MRRF: variants seen among roughly 807,000 people sequenced by gnomAD.
The protein encoded by MRRF is ribosome-recycling factor, mitochondrial.
In MRRF, 18 loss-of-function variants were observed where a neutral mutation model predicts 25.1. The observed-to-expected ratio is 0.72, with a 90% CI of 0.50 to 1.06. The LOEUF (loss-of-function observed/expected upper bound fraction) is 1.06. MRRF is among the 50% of genes least tolerant of loss of function. MRRF has a pLI of 0.00. For missense variants in MRRF, 323 were observed against 319.3 expected (o/e 1.01, Z -0.09); for synonymous variants, 113 against 112.1 (o/e 1.01, Z -0.05).
At chr9:122,318,468 G>C (rs1388096994) in intron 6 of MRRF, among the ~76,000 whole-genome samples, 2 of 152,232 alleles carry the variant, frequency 1.3e-5, no homozygotes, top group African/African-American at 2.4e-5. Flanking sequence ...CTGGGTGCTA[G>C]CAGAGCTAAA....
At chr9:122,275,096 T>C (rs1832696465) in intron 2 of MRRF, among the ~76,000 whole-genome samples, 1 of 125,798 alleles carries the variant, frequency 7.9e-6, no homozygotes, top group Admixed American at 7.5e-5. Flanking sequence ...AGTTACCTCC[T>C]TTTTTTTTTT....
chr9:122,274,533 G>GGTGT (rs765131163), intron 2 of MRRF, among the ~76,000 whole-genome samples: 47,286 of 140,356 alleles, frequency 0.34, 8,103 homozygotes, highest in South Asian at 0.41. Flanking sequence ...ATATGAATCT[G>GGTGT]GTGTGTGTGT....
rs934980016 is a variant in MRRF, at chr9:122,324,161, T to A, written c.*1544T>A. 6.6e-6 allele frequency: 1 copy of A among 152,176 alleles called. No individual in the cohort carries two copies. Among genetic ancestry groups the A allele is most frequent in the African/African-American group, 2.4e-5 (1 of 41,442 alleles). The allele number at this position is 152,176 out of a possible 1,614,324, so 9.4% of individuals were successfully genotyped here. A position where few individuals can be genotyped will look rare whatever the true frequency, so the allele number is the denominator to read the frequency against. Reference sequence around the variant, plus strand: ...GGTTGAGGGCTCCATCTCCCAAGACTGCCAACACTTTTGATGCCAGTCATG... The same window carrying A: ...GGTTGAGGGCTCCATCTCCCAAGACAGCCAACACTTTTGATGCCAGTCATG... On this transcript the variant is annotated 3_prime_UTR_variant, in exon 7 of 7. Coordinates refer to ENST00000344641, the MANE Select transcript of MRRF (RefSeq NM_138777.5).
At chr9:122,266,354 C>T (rs958340315) in intron 1 of MRRF, among the ~76,000 whole-genome samples, 3 of 152,274 alleles carry the variant, frequency 2.0e-5, no homozygotes, top group Non-Finnish European at 4.4e-5. Flanking sequence ...GCCAAGGAAG[C>T]CGTCCTCTGA....
At position 122,329,718 on chromosome 9, in the gene MRRF, C is replaced by T. The variant is rs1836233440; in HGVS notation, c.*7101C>T. On this transcript the variant is annotated 3_prime_UTR_variant, in exon 7 of 7. Coordinates refer to ENST00000344641, the MANE Select transcript of MRRF (RefSeq NM_138777.5). The stretch of plus-strand genomic sequence containing the variant: ...TGGGCACACCCTTGAGTGGTGCTCA[C>T]CAGGGAACAGATGTGGCAAATGTTC... 6.6e-6 allele frequency: 1 copy of T among 152,288 alleles called. No homozygotes were observed. Among genetic ancestry groups the T allele is most frequent in the African/African-American group, 2.4e-5 (1 of 41,462 alleles). 9.4% of individuals were successfully genotyped at this position (152,288 alleles called of 1,614,324 possible).
intron 5 of MRRF, among the ~76,000 whole-genome samples, chr9:122,304,269 G>T (rs1834686051): frequency 6.6e-6 from 1 of 152,024 alleles, no homozygotes; most frequent in Admixed American, 6.5e-5. Flanking sequence ...TCATTCTCCT[G>T]GTTTGTTCCA....
At chr9:122,275,107 T>C (rs944435680) in intron 2 of MRRF, among the ~76,000 whole-genome samples, 3 of 152,078 alleles carry the variant, frequency 2.0e-5, no homozygotes, top group Non-Finnish European at 2.9e-5. Context: ...TTTTTTTTTT[T>C]TTGCGAAAGC....
chr9:122,303,632 C>G (rs1213516861), intron 5 of MRRF, among the ~76,000 whole-genome samples: 1 of 152,136 alleles, frequency 6.6e-6, no homozygotes, highest in African/African-American at 2.4e-5. Context: ...CTCACCTCAG[C>G]TTCCGAAAGT....
intron 6 of MRRF, among the ~76,000 whole-genome samples, chr9:122,313,866 G>C (rs924002733): frequency 6.6e-6 from 1 of 152,142 alleles, no homozygotes; most frequent in South Asian, 2.1e-4. Flanking sequence ...TAAGCTGCTG[G>C]AGTAAAATAG....
chr9:122,274,978 C>T (rs1832689656), intron 2 of MRRF, among the ~76,000 whole-genome samples: 1 of 151,808 alleles, frequency 6.6e-6, no homozygotes, highest in Non-Finnish European at 1.5e-5. Flanking sequence ...TTTGGTCTTT[C>T]CTGTTTTCTT....
intron 2 of MRRF, among the ~76,000 whole-genome samples, chr9:122,279,240 A>G (rs1832955964): frequency 6.6e-6 from 1 of 152,232 alleles, no homozygotes; most frequent in Non-Finnish European, 1.5e-5. Context: ...AACATGGGCA[A>G]ATAAATGTTT....
intron 5 of MRRF, among the ~76,000 whole-genome samples, chr9:122,307,342 G>C (rs1834914213): frequency 6.6e-6 from 1 of 152,176 alleles, no homozygotes; most frequent in African/African-American, 2.4e-5. Context: ...CCCTTAGCCT[G>C]CTCCCCACAG....
intron 4 of MRRF, among the ~76,000 whole-genome samples, chr9:122,291,480 T>C (rs2118799625): frequency 6.6e-6 from 1 of 152,332 alleles, no homozygotes; most frequent in Non-Finnish European, 1.5e-5. Context: ...CTCAAACCAT[T>C]GAAATCTTTT....
chr9:122,282,678 A>G lies in MRRF; in HGVS notation c.340+2080A>G, dbSNP rs1010327685. Among the ~76,000 whole-genome samples, 5 of 152,240 alleles carry G rather than the reference A, an allele frequency of 3.3e-5. No individual in the cohort carries two copies. In the South Asian group the frequency reaches 8.3e-4, roughly 25 times the overall value. On this transcript the variant is annotated intron_variant, in intron 3 of 6. Transcript: ENST00000344641. Reference sequence around the variant, plus strand: ...TTAATATGATATTGACAGCAAATACATTATAGAAAGCATTTATCATGATGT... The same window carrying G: ...TTAATATGATATTGACAGCAAATACGTTATAGAAAGCATTTATCATGATGT...
At chr9:122,276,571 A>G (rs1299448770) in intron 2 of MRRF, among the ~76,000 whole-genome samples, 2 of 152,216 alleles carry the variant, frequency 1.3e-5, no homozygotes, top group African/African-American at 4.8e-5. Context: ...AAAGTTTTTC[A>G]AACAAATGGT....
intron 1 of MRRF, chr9:122,265,398 A>G (rs1832003774): frequency 4.1e-6 from 1 of 243,200 alleles, no homozygotes. Context: ...AACAGTTGTC[A>G]TTTCAGTAGC....
At chr9:122,273,610 AT>A (rs1832599220) in intron 2 of MRRF, among the ~76,000 whole-genome samples, 1 of 152,142 alleles carries the variant, frequency 6.6e-6, no homozygotes, top group South Asian at 2.1e-4. Flanking sequence ...GCTTCAGTGA[AT>A]TTTCACAAAG....
At chr9:122,284,922 A>C (rs1833292485) in intron 3 of MRRF, among the ~76,000 whole-genome samples, 1 of 152,116 alleles carries the variant, frequency 6.6e-6, no homozygotes, top group Non-Finnish European at 1.5e-5. Context: ...TGAGTAGCTC[A>C]TCTTCCAGGC....
intron 6 of MRRF, among the ~76,000 whole-genome samples, chr9:122,322,256 G>C (rs1229459703): frequency 1.3e-5 from 2 of 151,998 alleles, no homozygotes; most frequent in Non-Finnish European, 2.9e-5. Context: ...CCAGCTACTC[G>C]GGAGGCTGAG....
Sources: allele counts gnomAD v4.1 joint callset (sites outside exome capture counted in the v4.1 genomes callset), GRCh38; gene constraint gnomAD v4.1.1; transcripts MANE v1.5; gene names NCBI Gene and HGNC (gene_info 2026-07-23, HGNC 2026-07-21).